The following UBR3 variants were observed in gnomAD, a reference collection of about 807,000 sequenced individuals.
UBR3 encodes the protein ubiquitin protein ligase E3 component n-recognin 3.
UBR3 carries 85 observed loss-of-function variants against 243.2 expected under a neutral mutation model. The observed-to-expected ratio is 0.35, with a 90% CI of 0.29 to 0.42. The LOEUF (loss-of-function observed/expected upper bound fraction) is 0.42, where lower values mean the gene tolerates loss of function less well. Ranked by LOEUF, UBR3 falls within the 10% of genes least tolerant of loss-of-function variation. The pLI is 1.00. For missense variants in UBR3, 1,686 were observed against 2,300.8 expected (o/e 0.73, Z 5.47); for synonymous variants, 748 against 799.8 (o/e 0.94, Z 1.09).
At chr2:170,001,597 G>C (rs1461610916) in intron 27 of UBR3, among the ~76,000 whole-genome samples, 183 bp downstream of exon 27, 1 of 151,916 alleles carries the variant, frequency 6.6e-6, no homozygotes, top group Non-Finnish European at 1.5e-5. Context: ...TTTAATTTCA[G>C]TTTCATTTTA....
chr2:169,830,911 T>A (rs1204310458), intron 1 of UBR3, among the ~76,000 whole-genome samples: 6 of 151,542 alleles, frequency 4.0e-5, no homozygotes, highest in African/African-American at 1.5e-4. Context: ...GTGGATGAGA[T>A]GGAAGTCTGA....
chr2:169,857,847 T>C (rs1354033425), intron 1 of UBR3, among the ~76,000 whole-genome samples: 2 of 152,176 alleles, frequency 1.3e-5, no homozygotes, highest in Non-Finnish European at 1.5e-5. Context: ...GCTAAAGTGA[T>C]CCTCAGACCT....
At chr2:170,025,195 C>T (rs1260728154) in intron 30 of UBR3, among the ~76,000 whole-genome samples, 2 of 152,106 alleles carry the variant, frequency 1.3e-5, no homozygotes, top group Non-Finnish European at 2.9e-5. Flanking sequence ...TGTAAAGACA[C>T]AATTGTCTTC....
chr2:169,900,789 G>T (rs1304473367), intron 8 of UBR3, among the ~76,000 whole-genome samples: 5 of 146,376 alleles, frequency 3.4e-5, no homozygotes, highest in Admixed American at 6.9e-5. Flanking sequence ...TTTTATATTC[G>T]TATCCTTACC....
chr2:169,865,365 A>G (rs1018184202), intron 1 of UBR3, among the ~76,000 whole-genome samples: 2 of 152,184 alleles, frequency 1.3e-5, no homozygotes, highest in Non-Finnish European at 1.5e-5. Context: ...ATTTTTCGTC[A>G]GTCTTACAGT....
chr2:169,994,262 G>A, intron 25 of UBR3, 61 bp from the exon 26 acceptor site: 1 of 1,536,702 alleles, frequency 6.5e-7, no homozygotes, highest in African/African-American at 1.4e-5. Context: ...AGCTTTTCTT[G>A]GAGTTACAGG....
intron 1 of UBR3, among the ~76,000 whole-genome samples, chr2:169,865,931 C>G (rs2083242466): frequency 6.6e-6 from 1 of 152,094 alleles, no homozygotes; most frequent in Non-Finnish European, 1.5e-5. Context: ...TGGTGCATCA[C>G]CTGAGGTCAG....
chr2:170,070,251 C>T (rs1024466528), intron 35 of UBR3, among the ~76,000 whole-genome samples: 2 of 152,054 alleles, frequency 1.3e-5, no homozygotes, highest in Non-Finnish European at 1.5e-5. Flanking sequence ...GGGGGGAAAC[C>T]ATATGATCAT....
chr2:170,049,839 T>C (rs1355671005), intron 32 of UBR3, among the ~76,000 whole-genome samples: 3 of 152,218 alleles, frequency 2.0e-5, no homozygotes, highest in Non-Finnish European at 2.9e-5. Flanking sequence ...TAATGCCCAC[T>C]TGGTACATCA....
At chr2:170,032,163 G>C (rs982374572) in intron 31 of UBR3, among the ~76,000 whole-genome samples, 2 of 152,114 alleles carry the variant, frequency 1.3e-5, no homozygotes, top group African/African-American at 4.8e-5. Context: ...AACACCCAGA[G>C]ACAATGTCAA....
chr2:169,876,058 A>G, intron 3 of UBR3, 109 bp downstream of exon 3: 1 of 996,918 alleles, frequency 1.0e-6, no homozygotes, highest in South Asian at 2.9e-5. Flanking sequence ...ATAGAATGCT[A>G]AAGCTGGAAG....
intron 25 of UBR3, among the ~76,000 whole-genome samples, chr2:169,987,867 C>T (rs956108138): frequency 6.7e-6 from 1 of 149,696 alleles, no homozygotes; most frequent in Non-Finnish European, 1.5e-5. Flanking sequence ...TATTGGTTTA[C>T]TTACTGTGGC....
At chr2:169,852,507 G>C (rs2082689512) in intron 1 of UBR3, among the ~76,000 whole-genome samples, 1 of 152,112 alleles carries the variant, frequency 6.6e-6, no homozygotes, top group Non-Finnish European at 1.5e-5. Context: ...AATTACAACA[G>C]ACTGCATGGC....
chr2:169,949,915 T>G lies in UBR3; in HGVS notation c.3395T>G (p.Ile1132Arg). 2.5e-6 allele frequency: 4 copies of G among 1,613,482 alleles called. No individual in the cohort carries two copies. Among genetic ancestry groups the G allele is most frequent in the Non-Finnish European group, 3.4e-6 (4 of 1,179,666 alleles). Residue 1132 changes from isoleucine (I) to arginine (R), a missense_variant, in exon 23 of 39, where the codon ATA (isoleucine) becomes AGA (arginine). Physicochemically the swap from Ile to Arg is moderately conservative, Grantham distance 97. Transcript: ENST00000272793. ...CCTAAATACAGTCATGGAGATGGTA[T>G]AACTGCCGTGGAAAGAATTTTACTA... is the stretch of plus-strand genomic sequence containing the variant. The part of the protein sequence containing the change: ...EIPKYSHGDG[I>R]TAVERILLKA...
At chr2:170,066,742 G>A (rs1039785229) in intron 35 of UBR3, among the ~76,000 whole-genome samples, 2 of 151,982 alleles carry the variant, frequency 1.3e-5, no homozygotes, top group African/African-American at 4.8e-5. Context: ...TGAGGTGGGC[G>A]ATCACAAGGT....
chr2:170,080,165 TAGAAGAGTAAAAAAAG>T, intron 37 of UBR3, 142 bp downstream of exon 37: 1 of 806,920 alleles, frequency 1.2e-6, no homozygotes, highest in Non-Finnish European at 1.9e-6. Context: ...TTTAATCCAG[TAGAAGAGTAAAAAAAG>T]AAAGTCTTTG....
intron 1 of UBR3, among the ~76,000 whole-genome samples, chr2:169,844,756 A>C (rs927081400): frequency 1.3e-5 from 2 of 152,202 alleles, no homozygotes; most frequent in South Asian, 4.2e-4. Context: ...TCGGCCTCTC[A>C]AAGTGCTGGG....
At chr2:169,898,411 C>G (rs1338091626) in intron 8 of UBR3, among the ~76,000 whole-genome samples, 3 of 152,184 alleles carry the variant, frequency 2.0e-5, no homozygotes, top group African/African-American at 7.2e-5. Context: ...ACTCTTTTCT[C>G]AGTACTTTAT....
At chr2:169,856,001 G>T (rs550561131) in intron 1 of UBR3, among the ~76,000 whole-genome samples, 7 of 151,550 alleles carry the variant, frequency 4.6e-5, no homozygotes, top group African/African-American at 7.3e-5. Context: ...CAGATGGGGG[G>T]GCTGCCAGGC....
Sources: gnomAD v4.1 joint callset for allele counts (sites outside exome capture counted in the v4.1 genomes callset) on GRCh38, gnomAD v4.1.1 for gene constraint, MANE v1.5 for transcripts, NCBI Gene and HGNC (gene_info 2026-07-23, HGNC 2026-07-21) for gene names.